PRKCB: variants seen among roughly 807,000 people sequenced by gnomAD.
PRKCB encodes the protein protein kinase C beta type.
Under a neutral mutation model 81.5 loss-of-function variants are expected in PRKCB, and 13 were observed. The observed-to-expected ratio is 0.16, with a 90% CI of 0.10 to 0.25. The LOEUF is 0.25. Ranked by LOEUF, PRKCB falls within the 10% of genes least tolerant of loss-of-function variation. PRKCB has a pLI of 1.00. For synonymous variants in PRKCB, 335 were observed against 321.4 expected (o/e 1.04, Z -0.45); for missense variants, 509 against 875.7 (o/e 0.58, Z 5.29).
chr16:24,051,096 C>T lies in PRKCB; in HGVS notation c.529+15549C>T, dbSNP rs1470174278. Among the ~76,000 whole-genome samples, 3 of 152,200 alleles carry T rather than the reference C, an allele frequency of 2.0e-5. No homozygotes were observed. In the East Asian group the frequency reaches 5.8e-4, roughly 29 times the overall value. On this transcript the variant is annotated intron_variant, in intron 5 of 16. Transcript: ENST00000643927. ...CTTCCTCACACCATTCTCTGTGCTA[C>T]TTGTTCTGCCCTCCTTACTTTTGAA... is the stretch of plus-strand genomic sequence containing the variant.
In PRKCB at chr16:24,133,805, G is replaced by A. The variant is rs187145701; in HGVS notation, c.1065+9824G>A. On this transcript the variant is annotated intron_variant, in intron 9 of 16. Transcript: ENST00000643927. ...TAAGTGACTTCTCCAAGAAGGAGGC[G>A]GGACCTTGAAAGCTGGTTTTGTGAT... Among the ~76,000 whole-genome samples, 296 of 152,174 alleles carry A rather than the reference G, an allele frequency of 1.9e-3. 2 individuals are homozygous for A. The highest frequency in any genetic ancestry group is 3.4e-3 in the Middle Eastern group (1 of 294).
intron 16 of PRKCB, among the ~76,000 whole-genome samples, chr16:24,203,734 C>G (rs1968000377): frequency 6.6e-6 from 1 of 152,156 alleles, no homozygotes; most frequent in Non-Finnish European, 1.5e-5. Flanking sequence ...AAAATAACCA[C>G]AAAATGCCCC....
At chr16:23,891,741 A>G (rs946751375) in intron 2 of PRKCB, among the ~76,000 whole-genome samples, 16 of 152,330 alleles carry the variant, frequency 1.1e-4, no homozygotes, top group Middle Eastern at 3.4e-3. Flanking sequence ...TCAAGGGGTC[A>G]TGTTGCTCTG....
At chr16:24,190,478 AT>A (rs1412387440) in intron 15 of PRKCB, among the ~76,000 whole-genome samples, 1 of 120,650 alleles carries the variant, frequency 8.3e-6, no homozygotes, top group Non-Finnish European at 1.8e-5. Flanking sequence ...TGTGGCATTT[AT>A]TTTTTTCTTT....
intron 9 of PRKCB, among the ~76,000 whole-genome samples, chr16:24,128,051 G>GAAAACAAAACAAAACAAAACAAAAC (rs369204846): frequency 0.088 from 13,310 of 151,308 alleles, 780 homozygotes; most frequent in East Asian, 0.22. Context: ...CTTAACCCAG[G>GAAAACAAAACAAAACAAAACAAAAC]AAAACAAAAC....
chr16:24,119,815 A>G (rs1185739971), intron 8 of PRKCB, among the ~76,000 whole-genome samples: 3 of 152,128 alleles, frequency 2.0e-5, no homozygotes, highest in East Asian at 3.8e-4. Context: ...CAGTCCAGAT[A>G]TCTTTGCTCA....
chr16:23,964,627 G>A (rs992567110), intron 2 of PRKCB, among the ~76,000 whole-genome samples: 1 of 151,362 alleles, frequency 6.6e-6, no homozygotes, highest in African/African-American at 2.4e-5. Flanking sequence ...AGAAAACTGG[G>A]ACTGGAATTC....
At chr16:24,190,914 C>T (rs1463208292) in intron 15 of PRKCB, among the ~76,000 whole-genome samples, 176 bp from the exon 16 acceptor site, 1 of 152,116 alleles carries the variant, frequency 6.6e-6, no homozygotes, top group Non-Finnish European at 1.5e-5. Flanking sequence ...TTATCAGGTC[C>T]TCTCCTGCAA....
intron 3 of PRKCB, among the ~76,000 whole-genome samples, chr16:23,999,327 C>A (rs1596504694): frequency 6.6e-6 from 1 of 152,230 alleles, no homozygotes; most frequent in East Asian, 1.9e-4. Flanking sequence ...GCATCCTCTA[C>A]CCTCTGCTGT....
chr16:24,019,273 G>A (rs1165321581), intron 3 of PRKCB, among the ~76,000 whole-genome samples: 3 of 151,592 alleles, frequency 2.0e-5, no homozygotes, highest in Admixed American at 2.0e-4. Context: ...GAGCCCAGAA[G>A]TTTGAGGCTC....
At chr16:24,002,326 TGC>T (rs4040053) in intron 3 of PRKCB, among the ~76,000 whole-genome samples, 60,239 of 151,048 alleles carry the variant, frequency 0.4, 12,118 homozygotes, top group South Asian at 0.56. Flanking sequence ...TGTGTGTGCG[TGC>T]GTGTGTGTGT....
intron 2 of PRKCB, among the ~76,000 whole-genome samples, chr16:23,875,525 A>ATGTGTATATCACACACATATG (rs1962985247): frequency 1.4e-4 from 13 of 90,188 alleles, no homozygotes; most frequent in South Asian, 8.0e-4. Context: ...TCACACACAT[A>ATGTGTATATCACACACATATG]TGTGTATATC....
Position 24,141,370 on chromosome 16 carries a change from T to A in PRKCB, c.1066-13314T>A, listed in dbSNP as rs8043994. 5.3e-3 allele frequency among the ~76,000 whole-genome samples: 800 copies of A among 152,054 alleles called. 5 individuals are homozygous for A. The highest frequency in any genetic ancestry group is 0.018 in the African/African-American group (741 of 41,472). On this transcript the variant is annotated intron_variant, in intron 9 of 16. Coordinates refer to ENST00000643927, the MANE Select transcript of PRKCB (RefSeq NM_002738.7). ...CCACCATGCCTGGCTAATTTTTGTA[T>A]TTTTTAGTAGAGACGGGGTTTCACC...
chr16:24,078,884 G>A (rs959236291), intron 5 of PRKCB, among the ~76,000 whole-genome samples: 2 of 152,092 alleles, frequency 1.3e-5, no homozygotes, highest in Admixed American at 6.5e-5. Flanking sequence ...CTGGGTTTAG[G>A]GGGTCATAAA....
intron 2 of PRKCB, among the ~76,000 whole-genome samples, chr16:23,924,654 G>C (rs559102211): frequency 2.0e-5 from 3 of 152,000 alleles, no homozygotes; most frequent in South Asian, 2.1e-4. Context: ...TCTACATCCT[G>C]ATCCTAAAAT....
intron 16 of PRKCB, among the ~76,000 whole-genome samples, chr16:24,209,964 AAAT>A (rs1265621694): frequency 1.3e-5 from 2 of 151,940 alleles, no homozygotes; most frequent in African/African-American, 2.4e-5. Context: ...AAAAAAAAAA[AAAT>A]TAGTCCTGCG....
chr16:24,200,434 A>C (rs139540435), intron 16 of PRKCB, among the ~76,000 whole-genome samples: 1 of 152,314 alleles, frequency 6.6e-6, no homozygotes, highest in East Asian at 1.9e-4. Flanking sequence ...CTCCCTTTAG[A>C]TGGTTGGAAT....
intron 3 of PRKCB, among the ~76,000 whole-genome samples, chr16:24,024,298 A>G (rs943419934): frequency 2.0e-5 from 3 of 152,226 alleles, no homozygotes; most frequent in Admixed American, 1.3e-4. Context: ...AATGATGGTT[A>G]CCAGAAGCTG....
intron 16 of PRKCB, among the ~76,000 whole-genome samples, chr16:24,196,643 A>C (rs1315217668): frequency 1.3e-5 from 2 of 152,202 alleles, no homozygotes; most frequent in African/African-American, 2.4e-5. Flanking sequence ...TATCTGGCTA[A>C]AATTCTTACT....
Sources: allele counts gnomAD v4.1 joint callset (sites outside exome capture counted in the v4.1 genomes callset), GRCh38; gene constraint gnomAD v4.1.1; transcripts MANE v1.5; gene names NCBI Gene and HGNC (gene_info 2026-07-23, HGNC 2026-07-21).